The following SPIDR variants were observed in gnomAD, a reference collection of about 807,000 sequenced individuals.
SPIDR encodes the protein DNA repair-scaffolding protein.
SPIDR carries 93 observed loss-of-function variants against 104.6 expected under a neutral mutation model. That is an observed-to-expected ratio of 0.89 (90% CI 0.75 to 1.06). The LOEUF is 1.06. Ranked by LOEUF, SPIDR falls within the 50% of genes least tolerant of loss-of-function variation. SPIDR has a pLI of 0.00. For synonymous variants in SPIDR, 431 were observed against 416.9 expected, an observed-to-expected ratio of 1.03 and a Z score of -0.41; for missense variants, 1,154 against 1,111.2, an observed-to-expected ratio of 1.04 and a Z score of -0.55.
chr8:47,428,787 A>G (rs886683751), intron 7 of SPIDR, among the ~76,000 whole-genome samples: 5 of 152,114 alleles, frequency 3.3e-5, no homozygotes, highest in Non-Finnish European at 7.3e-5. Flanking sequence ...GCCAGTGCCC[A>G]CTCAGCGTGG....
At chr8:47,281,305 G>A (rs2037729169) in intron 2 of SPIDR, among the ~76,000 whole-genome samples, 1 of 152,148 alleles carries the variant, frequency 6.6e-6, no homozygotes, top group Admixed American at 6.5e-5. Context: ...GGTGGCTGTG[G>A]CAGTTTCCTA....
intron 5 of SPIDR, among the ~76,000 whole-genome samples, chr8:47,322,588 G>A (rs1334428240): frequency 6.6e-6 from 1 of 152,170 alleles, no homozygotes; most frequent in Non-Finnish European, 1.5e-5. Flanking sequence ...CCATTACTGG[G>A]TATATACCCA....
At chr8:47,275,237 G>T (rs1351962585) in intron 1 of SPIDR, among the ~76,000 whole-genome samples, 1 of 151,486 alleles carries the variant, frequency 6.6e-6, no homozygotes, top group African/African-American at 2.4e-5. Flanking sequence ...CCAGCCTGGG[G>T]GAGAGAGCGA....
At chr8:47,502,070 G>T (rs549773240) in intron 8 of SPIDR, among the ~76,000 whole-genome samples, 3 of 149,096 alleles carry the variant, frequency 2.0e-5, no homozygotes, top group Non-Finnish European at 4.5e-5. Context: ...GGATTCTGTC[G>T]ATGTGCATCA....
intron 7 of SPIDR, among the ~76,000 whole-genome samples, chr8:47,432,445 A>G (rs782145073): frequency 8.5e-5 from 13 of 152,222 alleles, no homozygotes; most frequent in Non-Finnish European, 1.5e-4. Context: ...GACTGGAAAC[A>G]GAGTCCCCCA....
chr8:47,603,150 T>C (rs1289065679), intron 10 of SPIDR, among the ~76,000 whole-genome samples: 1 of 94,496 alleles, frequency 1.1e-5, no homozygotes, highest in Non-Finnish European at 2.2e-5. Context: ...AATAAAGCCA[T>C]AGGCTTTTTT....
intron 5 of SPIDR, among the ~76,000 whole-genome samples, chr8:47,298,711 A>G (rs1233905318): frequency 6.6e-6 from 1 of 152,306 alleles, no homozygotes; most frequent in Admixed American, 6.5e-5. Context: ...AAAATAGGGA[A>G]TCCTTTCCCC....
chr8:47,322,982 A>G lies in SPIDR; in HGVS notation c.525+28952A>G, dbSNP rs918134097. On this transcript the variant is annotated intron_variant, in intron 5 of 19. Coordinates refer to ENST00000297423, the MANE Select transcript of SPIDR (RefSeq NM_001080394.4). Reference sequence around the variant, plus strand: ...AGGGATAGCATTAGGAGGTATACCTAATGTTAAATGACGAGTTACTGTGTG... The same window carrying G: ...AGGGATAGCATTAGGAGGTATACCTGATGTTAAATGACGAGTTACTGTGTG... 2.6e-5 allele frequency among the ~76,000 whole-genome samples: 4 copies of G among 152,136 alleles called. No individual in the cohort carries two copies. The East Asian group carries it at 7.7e-4, about 29-fold the overall frequency.
chr8:47,609,301 C>T (rs1299753357), intron 10 of SPIDR, among the ~76,000 whole-genome samples: 1 of 152,162 alleles, frequency 6.6e-6, no homozygotes, highest in Admixed American at 6.6e-5. Flanking sequence ...AGGGTCATAG[C>T]TAAGAAACCA....
intron 11 of SPIDR, among the ~76,000 whole-genome samples, chr8:47,696,750 C>T (rs918765465): frequency 6.6e-6 from 1 of 152,196 alleles, no homozygotes; most frequent in Non-Finnish European, 1.5e-5. Flanking sequence ...CAAACAGAGG[C>T]ACATGTCAGC....
chr8:47,376,715 C>T (rs2058700231), intron 5 of SPIDR, among the ~76,000 whole-genome samples: 1 of 151,540 alleles, frequency 6.6e-6, no homozygotes, highest in East Asian at 1.9e-4. Context: ...TGTAGGTCAT[C>T]TGAATTTTAG....
At chr8:47,313,418 C>T (rs1319408999) in intron 5 of SPIDR, among the ~76,000 whole-genome samples, 2 of 152,150 alleles carry the variant, frequency 1.3e-5, no homozygotes, top group African/African-American at 4.8e-5. Flanking sequence ...AAAGAGGATA[C>T]AAACAAATGG....
intron 7 of SPIDR, among the ~76,000 whole-genome samples, chr8:47,432,716 T>C (rs2067576845): frequency 6.6e-6 from 1 of 152,196 alleles, no homozygotes; most frequent in Non-Finnish European, 1.5e-5. Context: ...TTTTTCACCT[T>C]GTCATAGAAA....
intron 8 of SPIDR, among the ~76,000 whole-genome samples, chr8:47,442,153 A>G (rs1204530001): frequency 2.0e-5 from 3 of 152,122 alleles, no homozygotes; most frequent in African/African-American, 7.2e-5. Flanking sequence ...TGCCTTAAAC[A>G]TTTATTTTCA....
chr8:47,305,674 A>T (rs1050586778), intron 5 of SPIDR, among the ~76,000 whole-genome samples: 2 of 152,314 alleles, frequency 1.3e-5, no homozygotes, highest in African/African-American at 2.4e-5. Flanking sequence ...ATTTATATAA[A>T]TTTTTGAAAA....
At chr8:47,493,038 AGT>A (rs1363442147) in intron 8 of SPIDR, among the ~76,000 whole-genome samples, 365 of 64,824 alleles carry the variant, frequency 5.6e-3, no homozygotes, top group African/African-American at 0.027. Flanking sequence ...AGAGAGAGAG[AGT>A]GAGTGTGTGT....
At chr8:47,302,561 C>T (rs1554578232) in intron 5 of SPIDR, among the ~76,000 whole-genome samples, 14 of 152,038 alleles carry the variant, frequency 9.2e-5, no homozygotes, top group Non-Finnish European at 1.9e-4. Context: ...CTGTTTTTTC[C>T]CCATCTTTGT....
intron 8 of SPIDR, among the ~76,000 whole-genome samples, chr8:47,491,873 G>A (rs1586635165): frequency 6.6e-6 from 1 of 152,164 alleles, no homozygotes. Context: ...AAGAAAACCA[G>A]CCAATATTGA....
At chr8:47,718,127 A>C (rs1589486422) in intron 16 of SPIDR, among the ~76,000 whole-genome samples, 1 of 152,210 alleles carries the variant, frequency 6.6e-6, no homozygotes, top group East Asian at 1.9e-4. Flanking sequence ...TGTAGCCGGG[A>C]TCTGTGCTTT....
Sources: gnomAD v4.1 joint callset for allele counts (sites outside exome capture counted in the v4.1 genomes callset) on GRCh38, gnomAD v4.1.1 for gene constraint, MANE v1.5 for transcripts, NCBI Gene and HGNC (gene_info 2026-07-23, HGNC 2026-07-21) for gene names.